The following C16orf78 variants were observed in gnomAD, a reference collection of about 807,000 sequenced individuals.
C16orf78 encodes uncharacterized protein C16orf78.
C16orf78 carries 19 observed loss-of-function variants against 27.3 expected under a neutral mutation model. That is an observed-to-expected ratio of 0.70 (90% CI 0.49 to 1.02). The LOEUF is 1.02. C16orf78 is among the 50% of genes least tolerant of loss of function. The pLI is 0.00. For synonymous variants in C16orf78, 130 were observed against 116.1 expected (o/e 1.12, Z -0.77); for missense variants, 339 against 337.0 (o/e 1.01, Z -0.05).
chr16:49,387,343 G>T (rs1292989663), intron 3 of C16orf78, among the ~76,000 whole-genome samples: 1 of 151,940 alleles, frequency 6.6e-6, no homozygotes, highest in Non-Finnish European at 1.5e-5. Flanking sequence ...TATAGGTGCT[G>T]GATATTAGAC....
intron 4 of C16orf78, 109 bp downstream of exon 4, chr16:49,396,787 G>A: frequency 6.5e-6 from 9 of 1,390,190 alleles, no homozygotes; most frequent in African/African-American, 1.4e-5. Flanking sequence ...CTAGGAGTAG[G>A]GGCTTGGTGT....
At position 49,396,590 on chromosome 16, in the gene C16orf78, C is replaced by G. The variant is rs140378939; in HGVS notation, c.562C>G (p.Arg188Gly). 6.2e-7 allele frequency: 1 copy of G among 1,614,132 alleles called. No individual in the cohort carries two copies. The highest frequency in any genetic ancestry group is 1.1e-5 in the South Asian group (1 of 91,088). Reference protein sequence around the residue: ...SNKMPDMAYERKLKSLMEKST... With the variant: ...SNKMPDMAYEGKLKSLMEKST... ...CAAGATGCCTGACATGGCTTACGAA[C>G]GCAAGCTAAAGAGCCTCATGGAGAA... Residue 188 changes from arginine to glycine, a missense_variant, in exon 4 of 5, where the codon CGC (arginine) becomes GGC (glycine). Coordinates refer to ENST00000299191, the MANE Select transcript of C16orf78 (RefSeq NM_144602.4).
intron 3 of C16orf78, among the ~76,000 whole-genome samples, chr16:49,393,279 A>G (rs1965436012): frequency 6.6e-6 from 1 of 152,224 alleles, no homozygotes; most frequent in Non-Finnish European, 1.5e-5. Context: ...AGACAATAAC[A>G]GGAAATACAT....
chr16:49,389,103 T>C (rs1304628554), intron 3 of C16orf78, among the ~76,000 whole-genome samples: 1 of 152,192 alleles, frequency 6.6e-6, no homozygotes, highest in Non-Finnish European at 1.5e-5. Flanking sequence ...TTCCATTTCA[T>C]CTCCTTCATT....
intron 3 of C16orf78, among the ~76,000 whole-genome samples, chr16:49,380,107 A>G (rs1318468151): frequency 6.6e-6 from 1 of 152,166 alleles, no homozygotes; most frequent in Non-Finnish European, 1.5e-5. Flanking sequence ...ACTTGACTCT[A>G]TATCAGTGGT....
Position 49,373,818 on chromosome 16 carries a change from G to C in C16orf78, c.-122G>C. 8 of 1,232,714 alleles carry C rather than the reference G, an allele frequency of 6.5e-6. No individual in the cohort carries two copies. Among genetic ancestry groups the C allele is most frequent in the Non-Finnish European group, 9.1e-6 (8 of 880,076 alleles). The allele number at this position is 1,232,714 out of a possible 1,614,324, so 76.4% of individuals were successfully genotyped here. A position where few individuals can be genotyped will look rare whatever the true frequency, so the allele number is the denominator to read the frequency against. On this transcript the variant is annotated 5_prime_UTR_variant, in exon 1 of 5. It removes an upstream start codon present in the reference 5' UTR. Transcript: ENST00000299191. ...GGTCTTGGCTCACTCTGCCCTTTAT[G>C]TTCACATCTGGAGGCCACACCCTAC...
At chr16:49,396,928 A>G (rs1182128342) in intron 4 of C16orf78, among the ~76,000 whole-genome samples, 6 of 152,156 alleles carry the variant, frequency 3.9e-5, no homozygotes, top group Non-Finnish European at 8.8e-5. Context: ...TTGATGCCAC[A>G]CCTTTCAACA....
intron 4 of C16orf78, among the ~76,000 whole-genome samples, chr16:49,398,893 G>A (rs1965506743): frequency 6.6e-6 from 1 of 152,170 alleles, no homozygotes; most frequent in Non-Finnish European, 1.5e-5. Flanking sequence ...GATAATGAAT[G>A]TTTTTTCTCT....
chr16:49,393,131 T>G (rs1473394569), intron 3 of C16orf78, among the ~76,000 whole-genome samples: 17 of 152,172 alleles, frequency 1.1e-4, no homozygotes, highest in Admixed American at 1.1e-3. Context: ...GGGTACATCT[T>G]TATTAGCAGC....
chr16:49,373,844 C>T lies in C16orf78; in HGVS notation c.-96C>T. On this transcript the variant is annotated 5_prime_UTR_variant, in exon 1 of 5. Transcript: ENST00000299191. ...TTCACATCTGGAGGCCACACCCTAC[C>T]TTCTAAGTCACCAGGCCATCAAGTC... is the stretch of plus-strand genomic sequence containing the variant. The T allele has an allele frequency of 6.7e-7, 1 of 1,487,190 alleles. No individual in the cohort carries two copies. Among genetic ancestry groups the T allele is most frequent in the African/African-American group, 1.4e-5 (1 of 72,344 alleles). The allele number at this position is 1,487,190 out of a possible 1,614,324, so 92.1% of individuals were successfully genotyped here.
intron 1 of C16orf78, 125 bp downstream of exon 1, chr16:49,374,214 A>T: frequency 8.6e-7 from 1 of 1,161,552 alleles, no homozygotes. Flanking sequence ...GGGATAAGCT[A>T]GTGAGAACTA....
chr16:49,376,279 G>A (rs1413819982), intron 1 of C16orf78, among the ~76,000 whole-genome samples: 5 of 152,344 alleles, frequency 3.3e-5, no homozygotes, highest in African/African-American at 7.2e-5. Flanking sequence ...TGGCATCAGC[G>A]AAGACCCCTG....
At chr16:49,381,393 CA>C (rs1965285421) in intron 3 of C16orf78, among the ~76,000 whole-genome samples, 4 of 152,104 alleles carry the variant, frequency 2.6e-5, no homozygotes, top group Admixed American at 2.6e-4. Context: ...CTCTTTGAAG[CA>C]ATTGTGAATG....
chr16:49,377,765 G>T lies in C16orf78; in HGVS notation c.185G>T (p.Arg62Leu), dbSNP rs146139981. 2.2e-5 allele frequency: 35 copies of T among 1,601,214 alleles called. No individual in the cohort carries two copies. The African/African-American group carries it at 4.1e-4, about 19-fold the overall frequency. ...QKPKVVTVLK[R>L]NKKKEEKKGK... ...CCCAAAGTGGTGACAGTCCTTAAAC[G>T]AAATAAGAAGAAGGAAGAGAAGAAA... Residue 62 changes from arginine to leucine, a missense_variant, in exon 2 of 5, where the codon CGA becomes CTA. By Grantham distance (102) the Arg-to-Leu change is moderately radical. Coordinates refer to ENST00000299191, the MANE Select transcript of C16orf78 (RefSeq NM_144602.4).
rs1241730287 is a variant in C16orf78 at position 49,373,869 on chromosome 16, C to T, written c.-71C>T. On this transcript the variant is annotated 5_prime_UTR_variant, in exon 1 of 5. Transcript: ENST00000299191. The stretch of plus-strand genomic sequence containing the variant: ...CTTCTAAGTCACCAGGCCATCAAGT[C>T]CAGACAAAGGGATCGAAAGAGTGAG... 2 of 1,577,386 alleles carry T rather than the reference C, an allele frequency of 1.3e-6. No individual in the cohort carries two copies. The highest frequency in any genetic ancestry group is 1.2e-5 in the South Asian group (1 of 85,264).
At chr16:49,390,629 G>A (rs1381249686) in intron 3 of C16orf78, among the ~76,000 whole-genome samples, 1 of 152,212 alleles carries the variant, frequency 6.6e-6, no homozygotes. Flanking sequence ...CATAACAAGA[G>A]TATGTCATAC....
intron 2 of C16orf78, 59 bp from the exon 3 acceptor site, chr16:49,378,411 C>G: frequency 6.5e-7 from 1 of 1,532,566 alleles, no homozygotes; most frequent in Non-Finnish European, 8.8e-7. Context: ...TGGGATGGAG[C>G]GGGGAGGGCG....
In C16orf78 at chr16:49,373,851, G is replaced by A. The variant is rs1596915789; in HGVS notation, c.-89G>A. On this transcript the variant is annotated 5_prime_UTR_variant, in exon 1 of 5. Transcript: ENST00000299191. ...CTGGAGGCCACACCCTACCTTCTAA[G>A]TCACCAGGCCATCAAGTCCAGACAA... 6.6e-7 allele frequency: 1 copy of A among 1,520,936 alleles called. No homozygotes were observed. The highest frequency in any genetic ancestry group is 2.3e-5 in the East Asian group (1 of 44,016). The allele number at this position is 1,520,936 out of a possible 1,614,324, so 94.2% of individuals were successfully genotyped here. A position where few individuals can be genotyped will look rare whatever the true frequency, so the allele number is the denominator to read the frequency against.
Position 49,374,005 on chromosome 16 carries a change from T to C in C16orf78, c.66T>C (p.Thr22=). Residue 22 remains threonine, a synonymous_variant, in exon 1 of 5, where the codon ACT becomes ACC. Coordinates refer to ENST00000299191, the MANE Select transcript of C16orf78 (RefSeq NM_144602.4). ...MPTKRKYMWK[T]AEDRRMSDLT... ...CAAAGAGGAAATACATGTGGAAGAC[T>C]GCTGAAGATAGGCGCATGTCTGACC... is the stretch of plus-strand genomic sequence containing the variant. 1.2e-6 allele frequency: 2 copies of C among 1,614,166 alleles called. No homozygotes were observed. Among genetic ancestry groups the C allele is most frequent in the Non-Finnish European group, 1.7e-6 (2 of 1,180,028 alleles).
Sources: allele counts gnomAD v4.1 joint callset (sites outside exome capture counted in the v4.1 genomes callset), GRCh38; gene constraint gnomAD v4.1.1; transcripts MANE v1.5; gene names NCBI Gene and HGNC (gene_info 2026-07-23, HGNC 2026-07-21).